ACADM: variants seen among roughly 807,000 people sequenced by gnomAD.
The protein encoded by ACADM is medium-chain specific acyl-CoA dehydrogenase, mitochondrial.
In ACADM, 49 loss-of-function variants were observed where a neutral mutation model predicts 58.9. The observed-to-expected ratio is 0.83, with a 90% CI of 0.66 to 1.06. ACADM has a LOEUF of 1.06. ACADM is among the 50% of genes least tolerant of loss of function. The pLI, the probability that ACADM is intolerant of heterozygous loss-of-function variation, is 0.00. For missense variants in ACADM, 496 were observed against 507.0 expected (o/e 0.98, Z 0.21); for synonymous variants, 160 against 157.7 (o/e 1.01, Z -0.11).
chr1:75,759,641 A>G (rs1275495521), intron 10 of ACADM, among the ~76,000 whole-genome samples: 1 of 129,706 alleles, frequency 7.7e-6, no homozygotes, highest in African/African-American at 2.9e-5. Flanking sequence ...ATTTTTCTCT[A>G]TCTGTAGCAA....
chr1:75,757,468 C>T (rs900210888), intron 10 of ACADM, among the ~76,000 whole-genome samples: 1 of 152,190 alleles, frequency 6.6e-6, no homozygotes. Context: ...CTCATCATCA[C>T]TGGCCATCAG....
intron 6 of ACADM, among the ~76,000 whole-genome samples, chr1:75,736,975 A>C (rs763821115): frequency 2.0e-5 from 3 of 152,020 alleles, no homozygotes; most frequent in Non-Finnish European, 2.9e-5. Flanking sequence ...TTCTTTTTAC[A>C]TGCTGTAACA....
rs1648847234 is a variant in ACADM at position 75,761,370 on chromosome 1, G to A, written c.1194G>A (p.Gln398=). The A allele has an allele frequency of 1.2e-6, 2 of 1,613,718 alleles. No individual in the cohort carries two copies. The highest frequency in any genetic ancestry group is 1.7e-6 in the Non-Finnish European group (2 of 1,179,856). Residue 398 remains glutamine, a splice_region_variant and synonymous_variant, in exon 11 of 12, where the codon CAG becomes CAA. Coordinates refer to ENST00000370841, the MANE Select transcript of ACADM (RefSeq NM_000016.6). ...TAATGAGGGATGCCAAAATCTATCA[G>A]GTAAGGTTAAAGATGATTTTTTTGG... ...EKLMRDAKIY[Q]IYEGTSQIQR...
chr1:75,745,733 A>G (rs1322095576), intron 7 of ACADM, 73 bp from the exon 8 acceptor site: 4 of 1,077,246 alleles, frequency 3.7e-6, no homozygotes, highest in Non-Finnish European at 5.8e-6. Flanking sequence ...TGTTAAGAGA[A>G]TTAACTGAGA....
chr1:75,728,116 C>T (rs1188624359), intron 1 of ACADM, among the ~76,000 whole-genome samples: 1 of 152,168 alleles, frequency 6.6e-6, no homozygotes. Context: ...CCTACATCTA[C>T]TACTACCCTT....
At chr1:75,739,413 T>C (rs556388422) in intron 6 of ACADM, among the ~76,000 whole-genome samples, 1 of 152,250 alleles carries the variant, frequency 6.6e-6, no homozygotes, top group Non-Finnish European at 1.5e-5. Context: ...ACATGTGAAA[T>C]TGAATTTAAT....
chr1:75,741,516 G>A (rs1401407971), intron 7 of ACADM, among the ~76,000 whole-genome samples: 1 of 152,114 alleles, frequency 6.6e-6, no homozygotes, highest in Non-Finnish European at 1.5e-5. Flanking sequence ...AATCCCAGCA[G>A]TTTTGGAGGC....
chr1:75,752,572 A>C (rs761532846), intron 10 of ACADM, among the ~76,000 whole-genome samples: 5 of 152,144 alleles, frequency 3.3e-5, no homozygotes, highest in Non-Finnish European at 7.4e-5. Context: ...TCTTGTGCCT[A>C]ATCTATTTAA....
rs577476366 is a variant in ACADM at position 75,734,205 on chromosome 1, C to T, written c.387+577C>T. ...TTGAGACGGAGTCTCACTCTGTTGC[C>T]CAGGCTGGAGTGCAGTGGCGCGATC... On this transcript the variant is annotated intron_variant, in intron 5 of 11. Coordinates refer to ENST00000370841, the MANE Select transcript of ACADM (RefSeq NM_000016.6). 5.8e-4 allele frequency among the ~76,000 whole-genome samples: 87 copies of T among 149,136 alleles called. 1 individual carries two copies. Among genetic ancestry groups the T allele is most frequent in the African/African-American group, 2.1e-3 (84 of 39,904 alleles).
intron 10 of ACADM, among the ~76,000 whole-genome samples, chr1:75,756,851 C>G (rs904188482): frequency 6.6e-6 from 1 of 152,052 alleles, no homozygotes; most frequent in African/African-American, 2.4e-5. Context: ...GGTACTGGTA[C>G]CAAAACAGAT....
chr1:75,753,150 G>A (rs763300640), intron 10 of ACADM, among the ~76,000 whole-genome samples: 4 of 151,918 alleles, frequency 2.6e-5, no homozygotes, highest in Non-Finnish European at 4.4e-5. Flanking sequence ...CAGCTTCTTT[G>A]TGGCCCTCCT....
At chr1:75,753,509 T>C (rs1648320392) in intron 10 of ACADM, among the ~76,000 whole-genome samples, 1 of 152,046 alleles carries the variant, frequency 6.6e-6, no homozygotes, top group Admixed American at 6.6e-5. Context: ...GTTTATCTTA[T>C]TCATAAACAA....
At chr1:75,745,232 A>G (rs1285737498) in intron 7 of ACADM, among the ~76,000 whole-genome samples, 1 of 152,186 alleles carries the variant, frequency 6.6e-6, no homozygotes, top group Admixed American at 6.5e-5. Context: ...CACACCTGTA[A>G]TCCCAGCACT....
chr1:75,733,925 A>G (rs2100367125), intron 5 of ACADM, among the ~76,000 whole-genome samples: 1 of 152,298 alleles, frequency 6.6e-6, no homozygotes, highest in East Asian at 1.9e-4. Context: ...AGGTAAAGCC[A>G]AGGGCTAAAT....
chr1:75,754,836 G>T (rs1648408693), intron 10 of ACADM: 1 of 152,332 alleles, frequency 6.6e-6, no homozygotes, highest in African/African-American at 2.4e-5. Context: ...GAAGCGCAAG[G>T]GGTCGGGGAA....
At position 75,762,694 on chromosome 1, in the gene ACADM, T is replaced by C. The variant is rs1285662958; in HGVS notation, c.1197T>C (p.Ile399=). The C allele has an allele frequency of 6.3e-7, 1 of 1,598,836 alleles. No individual in the cohort carries two copies. Among genetic ancestry groups the C allele is most frequent in the East Asian group, 2.2e-5 (1 of 44,638 alleles). Residue 399 remains isoleucine, a splice_region_variant and synonymous_variant, in exon 12 of 12, where the codon ATT becomes ATC. Transcript: ENST00000370841. The part of the protein sequence containing the change: ...KLMRDAKIYQ[I]YEGTSQIQRL... ...CTACACTTATATTTTTCTTGCAGATTTATGAAGGTACTTCACAAATTCAAA... is the reference window on the plus strand; with the variant it reads ...CTACACTTATATTTTTCTTGCAGATCTATGAAGGTACTTCACAAATTCAAA...
At position 75,761,073 on chromosome 1, in the gene ACADM, T is replaced by C. The variant is rs760460757; in HGVS notation, c.946-49T>C. On this transcript the variant is annotated intron_variant, in intron 10 of 11. Coordinates refer to ENST00000370841, the MANE Select transcript of ACADM (RefSeq NM_000016.6). ...ATGAAAAAGCCCCAGGAAAAAACTTTTAAGTTTTCTCAATAAATATCCTTT... is the reference window on the plus strand; with the variant it reads ...ATGAAAAAGCCCCAGGAAAAAACTTCTAAGTTTTCTCAATAAATATCCTTT... 11 of 1,564,940 alleles carry C rather than the reference T, an allele frequency of 7.0e-6. No individual in the cohort carries two copies. The East Asian group carries it at 1.9e-4, about 27-fold the overall frequency.
chr1:75,734,745 T>C, intron 5 of ACADM, 46 bp from the exon 6 acceptor site: 1 of 1,402,870 alleles, frequency 7.1e-7, no homozygotes, highest in Non-Finnish European at 1.0e-6. Flanking sequence ...AATTTACATA[T>C]CCAATAAAAA....
intron 7 of ACADM, chr1:75,743,282 A>T: frequency 1.1e-6 from 1 of 903,394 alleles, no homozygotes; most frequent in Non-Finnish European, 1.7e-6. Context: ...ACTGCTGGTT[A>T]CATAGTGCTC....
Sources: gnomAD v4.1 joint callset for allele counts (sites outside exome capture counted in the v4.1 genomes callset) on GRCh38, gnomAD v4.1.1 for gene constraint, MANE v1.5 for transcripts, NCBI Gene and HGNC (gene_info 2026-07-23, HGNC 2026-07-21) for gene names.